The following COL5A1 variants were observed in gnomAD, a reference collection of about 807,000 sequenced individuals.
COL5A1 encodes the protein collagen type V alpha 1 chain.
COL5A1 carries 16 observed loss-of-function variants against 263.7 expected under a neutral mutation model. That is an observed-to-expected ratio of 0.06 (90% CI 0.04 to 0.09). The LOEUF (loss-of-function observed/expected upper bound fraction) is 0.09. Among genes scored for constraint, COL5A1 ranks in the 10% least tolerant of loss-of-function variants. The pLI, the probability that COL5A1 is intolerant of heterozygous loss-of-function variation, is 1.00. For synonymous variants in COL5A1, 1,012 were observed against 1,004.5 expected (o/e 1.01, Z -0.14); for missense variants, 2,036 against 2,540.5 (o/e 0.80, Z 4.27).
rs774093862 is a variant in COL5A1, at chr9:134,761,978, G to A, written c.1989G>A (p.Arg663=). 1 of 1,613,486 alleles carries A rather than the reference G, an allele frequency of 6.2e-7. No individual in the cohort carries two copies. Among genetic ancestry groups the A allele is most frequent in the Non-Finnish European group, 8.5e-7 (1 of 1,179,990 alleles). Residue 663 remains arginine, a splice_region_variant and synonymous_variant, in exon 19 of 66, where the codon AGG becomes AGA. Coordinates refer to ENST00000371817, the MANE Select transcript of COL5A1 (RefSeq NM_000093.5). ...GACCTCCGGGAGACGATGGAGAAAG[G>A]GTAGGTATTCTGCCGTCCCTCCGAC... The part of the protein sequence containing the change: ...PPGPPGDDGE[R]GDDGEVGPRG...
chr9:134,815,856 T>G, intron 51 of COL5A1, 79 bp from the exon 52 acceptor site: 1 of 1,543,690 alleles, frequency 6.5e-7, no homozygotes, highest in Non-Finnish European at 9.0e-7. Flanking sequence ...GGGAAGGGGC[T>G]GGAGATGCAT....
chr9:134,729,118 G>A (rs980863784), intron 6 of COL5A1, among the ~76,000 whole-genome samples: 10 of 152,238 alleles, frequency 6.6e-5, no homozygotes, highest in African/African-American at 2.4e-4. Flanking sequence ...CCCAGGATGA[G>A]TTTGGTTCTC....
At chr9:134,708,151 G>T (rs1446087933) in intron 4 of COL5A1, among the ~76,000 whole-genome samples, 1 of 152,188 alleles carries the variant, frequency 6.6e-6, no homozygotes, top group Non-Finnish European at 1.5e-5. Flanking sequence ...CATTTGGGGG[G>T]CTGGCTGGGC....
intron 4 of COL5A1, among the ~76,000 whole-genome samples, chr9:134,722,294 A>G (rs1296570148): frequency 6.6e-6 from 1 of 152,204 alleles, no homozygotes; most frequent in African/African-American, 2.4e-5. Context: ...TCAGCCTGGG[A>G]TCAGAGCGCC....
At chr9:134,732,288 C>T in intron 9 of COL5A1, 161 bp downstream of exon 9, 1 of 736,294 alleles carries the variant, frequency 1.4e-6, no homozygotes. Context: ...CACCACTTGT[C>T]CCCAGGACTT....
At chr9:134,770,362 A>T (rs1836828786) in intron 25 of COL5A1, among the ~76,000 whole-genome samples, 1 of 152,228 alleles carries the variant, frequency 6.6e-6, no homozygotes, top group South Asian at 2.1e-4. Context: ...CTGATAGCAC[A>T]CGCTGGGGAA....
intron 4 of COL5A1, chr9:134,709,046 C>G (rs1399652713): frequency 2.4e-6 from 1 of 424,022 alleles, no homozygotes; most frequent in South Asian, 1.7e-5. Flanking sequence ...TAGGATGTTC[C>G]CATTTCCAGA....
intron 7 of COL5A1, 149 bp downstream of exon 7, chr9:134,730,624 C>A (rs768185606): frequency 1.8e-6 from 2 of 1,100,184 alleles, no homozygotes; most frequent in South Asian, 2.7e-5. Flanking sequence ...GGCCCTGGGC[C>A]CTTTGCAGCT....
At position 134,817,099 on chromosome 9, in the gene COL5A1, C is replaced by T. The variant is rs2132858882; in HGVS notation, c.4176+20C>T. ...AAAAGGGTAAATAATCCTGCAGGCA[C>T]ATCCTTGCTGTCAAATCCCTGCATG... On this transcript the variant is annotated intron_variant, in intron 53 of 65. Coordinates refer to ENST00000371817, the MANE Select transcript of COL5A1 (RefSeq NM_000093.5). 6.2e-7 allele frequency: 1 copy of T among 1,609,960 alleles called. No homozygotes were observed. Among genetic ancestry groups the T allele is most frequent in the Non-Finnish European group, 8.5e-7 (1 of 1,176,416 alleles).
intron 12 of COL5A1, 81 bp downstream of exon 12, chr9:134,750,697 C>T: frequency 1.2e-5 from 19 of 1,593,814 alleles, no homozygotes; most frequent in Non-Finnish European, 1.6e-5. Context: ...GCTGCGCTGT[C>T]ACTGGAGAGG....
intron 4 of COL5A1, among the ~76,000 whole-genome samples, chr9:134,705,945 G>A (rs1441887968): frequency 6.6e-6 from 1 of 152,356 alleles, no homozygotes; most frequent in Admixed American, 6.5e-5. Flanking sequence ...GCTAGGGCGA[G>A]TGCTCCGGGG....
Position 134,825,863 on chromosome 9 carries a change from G to T in COL5A1, c.5026G>T (p.Gly1676Trp), listed in dbSNP as rs368448060. The T allele has an allele frequency of 1.9e-6, 3 of 1,610,672 alleles. No individual in the cohort carries two copies. Among genetic ancestry groups the T allele is most frequent in the Admixed American group, 1.7e-5 (1 of 59,890 alleles). ...SFKVYCNFTA[G>W]GSTCVFPDKK... ...CAAGGTTTACTGCAACTTCACAGCC[G>T]GGGGGTCGACATGCGTCTTCCCTGA... Residue 1676 changes from glycine (G) to tryptophan (W), a missense_variant, in exon 63 of 66, where the codon GGG becomes TGG. Around this residue, in one of 3 missense-constraint regions of COL5A1, gnomAD observed 358 missense variants for 384.6 expected, o/e 0.93. Transcript: ENST00000371817.
chr9:134,700,841 C>T lies in COL5A1; in HGVS notation c.492-330C>T, dbSNP rs1025783527. ...CTGTGACCGCACCGCAGGGACCACG[C>T]TCCCAGGGACCACACTCCTGGGTCC... On this transcript the variant is annotated intron_variant, in intron 3 of 65. Coordinates refer to ENST00000371817, the MANE Select transcript of COL5A1 (RefSeq NM_000093.5). The surrounding 1 kb of genome is among the most constrained non-coding windows in gnomAD (Gnocchi z 4.0). 3.9e-5 allele frequency among the ~76,000 whole-genome samples: 6 copies of T among 152,140 alleles called. No individual in the cohort carries two copies. The highest frequency in any genetic ancestry group is 1.4e-4 in the African/African-American group (6 of 41,428).
chr9:134,760,081 CGCATA>C (rs1836266659), intron 18 of COL5A1, among the ~76,000 whole-genome samples: 1 of 134,066 alleles, frequency 7.5e-6, no homozygotes. Flanking sequence ...CATGCACACA[CGCATA>C]CACGCCCACA....
At chr9:134,698,692 G>A (rs910890768) in intron 2 of COL5A1, among the ~76,000 whole-genome samples, 5 of 152,234 alleles carry the variant, frequency 3.3e-5, no homozygotes, top group Admixed American at 6.5e-5. Context: ...CCACAATTTC[G>A]CCAGCAGAGG....
chr9:134,779,490 CG>C (rs1287967580), intron 27 of COL5A1, among the ~76,000 whole-genome samples: 1 of 152,202 alleles, frequency 6.6e-6, no homozygotes, highest in African/African-American at 2.4e-5. Flanking sequence ...CATGTTAACA[CG>C]GAGTTGAAAT....
At chr9:134,743,976 C>T (rs1021343557) in intron 11 of COL5A1, among the ~76,000 whole-genome samples, 5 of 152,160 alleles carry the variant, frequency 3.3e-5, no homozygotes, top group African/African-American at 1.2e-4. Flanking sequence ...CCTGCTATGC[C>T]ATCCCCTCCC....
chr9:134,826,654 C>CGGGTGTGTGGGTGTGTGGG (rs1839277105), intron 63 of COL5A1, among the ~76,000 whole-genome samples: 1 of 146,782 alleles, frequency 6.8e-6, no homozygotes, highest in African/African-American at 2.6e-5. Flanking sequence ...GTGCATGTGG[C>CGGGTGTGTGGGTGTGTGGG]TGGTGGATGG....
chr9:134,798,000 C>T (rs1260367668), intron 36 of COL5A1, among the ~76,000 whole-genome samples: 1 of 152,210 alleles, frequency 6.6e-6, no homozygotes, highest in Non-Finnish European at 1.5e-5. Context: ...GTATGGACAA[C>T]CATCTAGCAG....
Sources: allele counts gnomAD v4.1 joint callset (sites outside exome capture counted in the v4.1 genomes callset), GRCh38; gene constraint gnomAD v4.1.1; regional missense constraint gnomAD v4.1.1; non-coding constraint Gnocchi (gnomAD v3.1); transcripts MANE v1.5; gene names NCBI Gene and HGNC (gene_info 2026-07-23, HGNC 2026-07-21).